The following ADARB1 variants were observed in gnomAD, a reference collection of about 807,000 sequenced individuals.
The protein encoded by ADARB1 is double-stranded RNA-specific editase 1.
ADARB1 carries 10 observed loss-of-function variants against 52.4 expected under a neutral mutation model. The ratio of observed to expected loss-of-function variants is 0.19; its 90% CI spans 0.12 to 0.32. ADARB1 has a LOEUF of 0.32. Among genes scored for constraint, ADARB1 ranks in the 10% least tolerant of loss-of-function variants. ADARB1 has a pLI of 1.00. For missense variants in ADARB1, 643 were observed against 922.3 expected (o/e 0.70, Z 3.92); for synonymous variants, 349 against 371.1 (o/e 0.94, Z 0.68).
intron 1 of ADARB1, among the ~76,000 whole-genome samples, chr21:45,108,612 C>T (rs1321181148): frequency 6.6e-6 from 1 of 152,218 alleles, no homozygotes; most frequent in Non-Finnish European, 1.5e-5. Flanking sequence ...GCTGTTTCTC[C>T]TTCCTTCCAA....
At chr21:45,187,526 C>T (rs1366349571) in intron 8 of ADARB1, among the ~76,000 whole-genome samples, 3 of 152,154 alleles carry the variant, frequency 2.0e-5, no homozygotes, top group African/African-American at 7.2e-5. Flanking sequence ...CTTACTGTGG[C>T]TAGAACTTCT....
intron 1 of ADARB1, among the ~76,000 whole-genome samples, chr21:45,101,295 G>C (rs984793308): frequency 3.3e-5 from 5 of 152,170 alleles, no homozygotes; most frequent in African/African-American, 1.2e-4. Flanking sequence ...GCGCGGGCGG[G>C]CCGTGTCCCC....
At chr21:45,175,036 C>T (rs2091639242) in intron 3 of ADARB1, among the ~76,000 whole-genome samples, 2 of 152,122 alleles carry the variant, frequency 1.3e-5, no homozygotes, top group African/African-American at 2.4e-5. Context: ...ATAATATTCT[C>T]ATTTTTAAAT....
intron 1 of ADARB1, chr21:45,100,695 T>A (rs1311691675): frequency 2.0e-5 from 3 of 152,412 alleles, no homozygotes; most frequent in African/African-American, 7.2e-5. Context: ...GATTCAGTTT[T>A]CTGGACCCAT....
chr21:45,210,170 A>G (rs1389664079), intron 9 of ADARB1, among the ~76,000 whole-genome samples: 2 of 152,026 alleles, frequency 1.3e-5, no homozygotes. Context: ...GGGGTTCCTC[A>G]TGTCTGTTGG....
At chr21:45,132,918 A>T (rs549191210) in intron 2 of ADARB1, among the ~76,000 whole-genome samples, 2 of 152,376 alleles carry the variant, frequency 1.3e-5, no homozygotes, top group South Asian at 2.1e-4. Context: ...TTGAGCGCAC[A>T]TTAGAAAATA....
chr21:45,114,978 T>C (rs1231404300), intron 1 of ADARB1, among the ~76,000 whole-genome samples: 1 of 152,188 alleles, frequency 6.6e-6, no homozygotes, highest in African/African-American at 2.4e-5. Flanking sequence ...GGGAATGGAT[T>C]GGAGAGCTTT....
chr21:45,195,620 T>C (rs1277100833), intron 8 of ADARB1, among the ~76,000 whole-genome samples: 4 of 152,102 alleles, frequency 2.6e-5, no homozygotes, highest in Non-Finnish European at 4.4e-5. Flanking sequence ...TTTTTTTTTT[T>C]CTGCATGTTT....
chr21:45,207,882 G>A (rs1806757603), intron 9 of ADARB1, among the ~76,000 whole-genome samples: 1 of 152,210 alleles, frequency 6.6e-6, no homozygotes, highest in African/African-American at 2.4e-5. Context: ...TAGGGATAGG[G>A]TGTTGCTTTC....
intron 1 of ADARB1, among the ~76,000 whole-genome samples, chr21:45,124,621 G>C (rs2088441861): frequency 6.6e-6 from 1 of 151,928 alleles, no homozygotes; most frequent in Non-Finnish European, 1.5e-5. Flanking sequence ...CAAGCAGTCT[G>C]CCTGCCTCGG....
At chr21:45,180,253 T>C (rs1184864809) in intron 4 of ADARB1, 77 bp from the exon 5 acceptor site, 5 of 996,800 alleles carry the variant, frequency 5.0e-6, no homozygotes, top group African/African-American at 1.6e-5. Flanking sequence ...TAAGGGAGAG[T>C]GCGTGCAGCA....
chr21:45,192,765 A>G (rs2092333463), intron 8 of ADARB1, among the ~76,000 whole-genome samples: 1 of 152,234 alleles, frequency 6.6e-6, no homozygotes, highest in East Asian at 1.9e-4. Flanking sequence ...ATTACCACAG[A>G]TGCTACAGAT....
chr21:45,152,703 G>A lies in ADARB1; in HGVS notation c.-47-18907G>A, dbSNP rs368259161. ...AGGAGGCGCAAGAAGCGCTCTGAGA[G>A]GAAAGGTAATTCATTTAGTTTTTAT... On this transcript the variant is annotated intron_variant, in intron 2 of 10. Coordinates refer to ENST00000348831, the MANE Select transcript of ADARB1 (RefSeq NM_001112.4). 4 of 439,124 alleles carry A rather than the reference G, an allele frequency of 9.1e-6. No individual in the cohort carries two copies. The East Asian group carries it at 2.2e-4, about 25-fold the overall frequency. The allele number at this position is 439,124 out of a possible 1,614,324, so 27.2% of individuals were successfully genotyped here.
At chr21:45,166,510 T>G (rs2091261232) in intron 2 of ADARB1, among the ~76,000 whole-genome samples, 1 of 152,248 alleles carries the variant, frequency 6.6e-6, no homozygotes, top group Non-Finnish European at 1.5e-5. Flanking sequence ...GGATGTGTTG[T>G]GTCTGATTCT....
rs2085839210 is a variant in ADARB1, at chr21:45,074,680, C to T, written c.-333C>T. 1 of 144,288 alleles carries T rather than the reference C, an allele frequency of 6.9e-6. No homozygotes were observed. The allele number at this position is 144,288 out of a possible 1,614,324, so 8.9% of individuals were successfully genotyped here. A position where few individuals can be genotyped will look rare whatever the true frequency, so the allele number is the denominator to read the frequency against. The stretch of plus-strand genomic sequence containing the variant: ...GGCTCCGGGCCGCGCGAGGCCACGG[C>T]CACGCCGCGCCGCTGCGCACAACCA... On this transcript the variant is annotated 5_prime_UTR_variant, in exon 1 of 11. Transcript: ENST00000348831.
intron 1 of ADARB1, among the ~76,000 whole-genome samples, chr21:45,089,130 G>A (rs980976575): frequency 2.2e-4 from 34 of 152,170 alleles, no homozygotes; most frequent in African/African-American, 8.0e-4. Context: ...CAATTGTATT[G>A]TGCCAGTGTT....
chr21:45,167,574 A>G (rs1469848819), intron 2 of ADARB1, among the ~76,000 whole-genome samples: 1 of 152,016 alleles, frequency 6.6e-6, no homozygotes, highest in Non-Finnish European at 1.5e-5. Flanking sequence ...AACATGGTGA[A>G]ACCCCATCTC....
chr21:45,213,706 A>G (rs929836528), intron 9 of ADARB1, among the ~76,000 whole-genome samples: 2 of 152,226 alleles, frequency 1.3e-5, no homozygotes, highest in African/African-American at 4.8e-5. Flanking sequence ...AGATTGATCT[A>G]TGTTGTTGGG....
At chr21:45,086,359 A>G (rs970090205) in intron 1 of ADARB1, among the ~76,000 whole-genome samples, 4 of 152,234 alleles carry the variant, frequency 2.6e-5, no homozygotes, top group Non-Finnish European at 5.9e-5. Context: ...AACAGCTGCC[A>G]TGAAATGCAC....
Sources: gnomAD v4.1 joint callset for allele counts (sites outside exome capture counted in the v4.1 genomes callset) on GRCh38, gnomAD v4.1.1 for gene constraint, MANE v1.5 for transcripts, NCBI Gene and HGNC (gene_info 2026-07-23, HGNC 2026-07-21) for gene names.